CCDC149: variants seen among roughly 807,000 people sequenced by gnomAD.
CCDC149 encodes coiled-coil domain-containing protein 149.
A neutral mutation model predicts 59.9 loss-of-function variants in CCDC149; 45 were observed. The ratio of observed to expected loss-of-function variants is 0.75; its 90% confidence interval spans 0.59 to 0.96. CCDC149 has a LOEUF of 0.96. Among genes scored for constraint, CCDC149 ranks in the 40% least tolerant of loss-of-function variants. The pLI is 0.00. For missense variants in CCDC149, 584 were observed against 664.7 expected, an observed-to-expected ratio of 0.88 and a Z score of 1.33; for synonymous variants, 245 against 260.6, an observed-to-expected ratio of 0.94 and a Z score of 0.58.
chr4:24,912,117 T>C (rs1193695437), intron 1 of CCDC149, among the ~76,000 whole-genome samples: 1 of 152,164 alleles, frequency 6.6e-6, no homozygotes, highest in Non-Finnish European at 1.5e-5. Flanking sequence ...TAGGGGGAAC[T>C]GAAGAGCAAA....
chr4:24,949,713 G>A (rs1010643155), intron 1 of CCDC149, among the ~76,000 whole-genome samples: 7 of 152,208 alleles, frequency 4.6e-5, no homozygotes, highest in Non-Finnish European at 1.0e-4. Flanking sequence ...ACTGAGGCCA[G>A]GAAAGCAGGA....
chr4:24,845,240 A>G (rs945453464), intron 4 of CCDC149, among the ~76,000 whole-genome samples: 3 of 152,256 alleles, frequency 2.0e-5, no homozygotes, highest in African/African-American at 7.2e-5. Flanking sequence ...CTCCCCTCAC[A>G]GGGTCTTTGG....
rs193242333 is a variant in CCDC149, at chr4:24,808,400, C to A, written c.1612G>T (p.Val538Leu). The change falls in exon 13 of 13, where the codon GTG becomes TTG. Residue 538 changes from valine to leucine, a missense_variant. Val to Leu is a conservative substitution (Grantham distance 32). Coordinates refer to ENST00000635206, the MANE Select transcript of CCDC149 (RefSeq NM_001330643.2). ...GATCCCTCTCCCCTTCAGGTTTTCA[C>A]GGTGCTCCTCATGCCTCCGCCCTCT... 9.9e-5 allele frequency: 144 copies of A among 1,449,756 alleles called. No individual in the cohort carries two copies. In the East Asian group the frequency reaches 3.5e-3, roughly 35 times the overall value. 89.8% of individuals were successfully genotyped at this position (1,449,756 alleles called of 1,614,324 possible).
intron 1 of CCDC149, among the ~76,000 whole-genome samples, chr4:24,883,945 T>A (rs1527354): frequency 6.6e-6 from 1 of 151,970 alleles, no homozygotes; most frequent in Non-Finnish European, 1.5e-5. Context: ...TTTACTATTC[T>A]ACATTGGCAC....
chr4:24,871,915 C>G (rs1719068945), intron 3 of CCDC149, among the ~76,000 whole-genome samples: 1 of 152,056 alleles, frequency 6.6e-6, no homozygotes, highest in Non-Finnish European at 1.5e-5. Flanking sequence ...GAGAGAGACA[C>G]CAAGTTAATC....
Position 24,881,676 on chromosome 4 carries a change from G to T in CCDC149, c.64-4979C>A, listed in dbSNP as rs187875588. On this transcript the variant is annotated intron_variant, in intron 1 of 12. Coordinates refer to ENST00000635206, the MANE Select transcript of CCDC149 (RefSeq NM_001330643.2). ...TCTGGGGGGGAGAAAAGTTATACTT[G>T]CCCCTGGGCTGTGTGTCCACTGAGT... is the stretch of plus-strand genomic sequence containing the variant. Among the ~76,000 whole-genome samples, 5 of 152,328 alleles carry T rather than the reference G, an allele frequency of 3.3e-5. No homozygotes were observed. In the East Asian group the frequency reaches 5.8e-4, roughly 18 times the overall value.
intron 1 of CCDC149, among the ~76,000 whole-genome samples, chr4:24,938,794 T>C (rs994027812): frequency 2.0e-5 from 3 of 152,234 alleles, no homozygotes; most frequent in Non-Finnish European, 4.4e-5. Flanking sequence ...GCCTCACTCA[T>C]TGTTAGCACA....
chr4:24,917,535 A>T (rs1272757744), upstream of CCDC149, among the ~76,000 whole-genome samples: 1 of 152,142 alleles, frequency 6.6e-6, no homozygotes, highest in Admixed American at 6.5e-5. Context: ...GGGGACTAAG[A>T]TGTCAGGAGA....
intron 1 of CCDC149, among the ~76,000 whole-genome samples, chr4:24,924,246 GAAA>G (rs57456696): frequency 8.0e-6 from 1 of 125,486 alleles, no homozygotes; most frequent in Non-Finnish European, 1.7e-5. Flanking sequence ...CTTTATAGCT[GAAA>G]AAAAAAAAAA....
chr4:24,889,238 C>T (rs918585653), intron 1 of CCDC149, among the ~76,000 whole-genome samples: 1 of 152,252 alleles, frequency 6.6e-6, no homozygotes, highest in East Asian at 1.9e-4. Flanking sequence ...CTAACTATGC[C>T]CCTGTCCTTT....
intron 1 of CCDC149, among the ~76,000 whole-genome samples, chr4:24,894,266 A>C (rs1196012724): frequency 6.6e-6 from 1 of 152,226 alleles, no homozygotes; most frequent in Non-Finnish European, 1.5e-5. Flanking sequence ...ATGGAAACTT[A>C]ATATAATTTT....
At chr4:24,867,995 C>T (rs1262124358) in intron 3 of CCDC149, among the ~76,000 whole-genome samples, 3 of 152,154 alleles carry the variant, frequency 2.0e-5, no homozygotes, top group African/African-American at 4.8e-5. Context: ...CCTGTTAACT[C>T]GGCAGCTGGT....
intron 1 of CCDC149, among the ~76,000 whole-genome samples, chr4:24,941,954 T>C (rs1722967373): frequency 6.6e-6 from 1 of 152,242 alleles, no homozygotes; most frequent in Non-Finnish European, 1.5e-5. Context: ...CACAGCCGAA[T>C]TCTACCAGAG....
chr4:24,967,099 G>A (rs1426618045), intron 1 of CCDC149, among the ~76,000 whole-genome samples: 1 of 152,158 alleles, frequency 6.6e-6, no homozygotes, highest in Non-Finnish European at 1.5e-5. Flanking sequence ...TATATACTGT[G>A]TATGTCTCTC....
At chr4:24,836,305 C>T (rs1716515459) in intron 7 of CCDC149, 131 bp downstream of exon 7, 6 of 681,388 alleles carry the variant, frequency 8.8e-6, no homozygotes, top group South Asian at 1.8e-5. Context: ...CCAGTTAAAG[C>T]TCTTATTAGA....
chr4:24,839,210 C>T (rs868317932), intron 4 of CCDC149, among the ~76,000 whole-genome samples: 8 of 150,442 alleles, frequency 5.3e-5, no homozygotes, highest in South Asian at 2.1e-4. Context: ...GACGGAGTCT[C>T]GCTCTGTCGC....
chr4:24,917,318 G>A (rs1239279328), upstream of CCDC149, among the ~76,000 whole-genome samples: 1 of 152,246 alleles, frequency 6.6e-6, no homozygotes, highest in East Asian at 1.9e-4. Context: ...AGCAGGGGGT[G>A]GAAGGAAGTT....
Position 24,881,253 on chromosome 4 carries a change from T to C in CCDC149, c.64-4556A>G, listed in dbSNP as rs1577445489. Among the ~76,000 whole-genome samples, 5 of 152,360 alleles carry C rather than the reference T, an allele frequency of 3.3e-5. No individual in the cohort carries two copies. In the East Asian group the frequency reaches 9.6e-4, roughly 29 times the overall value. On this transcript the variant is annotated intron_variant, in intron 1 of 12. Coordinates refer to ENST00000635206, the MANE Select transcript of CCDC149 (RefSeq NM_001330643.2). ...TCTTGCTAATATTTCTAGTTCTCCT[T>C]TCCTTCCAGGCATGTGGCAGGACGG...
At chr4:24,965,277 C>A (rs953983725) in intron 1 of CCDC149, among the ~76,000 whole-genome samples, 1 of 150,968 alleles carries the variant, frequency 6.6e-6, no homozygotes, top group South Asian at 2.1e-4. Flanking sequence ...AAACATAGCA[C>A]AATTTTTTTT....
Sources: allele counts gnomAD v4.1 joint callset (sites outside exome capture counted in the v4.1 genomes callset), GRCh38; gene constraint gnomAD v4.1.1; transcripts MANE v1.5; gene names NCBI Gene and HGNC (gene_info 2026-07-23, HGNC 2026-07-21).